Variants in SLCO6A1 observed in about 807,000 individuals in gnomAD.
SLCO6A1 encodes cancer/testis antigen 48.
A neutral mutation model predicts 72.7 loss-of-function variants in SLCO6A1; 65 were observed. The ratio of observed to expected loss-of-function variants is 0.89; its 90% CI spans 0.73 to 1.10. The LOEUF is 1.10. Ranked by LOEUF, SLCO6A1 falls within the 50% of genes least tolerant of loss-of-function variation. The pLI is 0.00. For synonymous variants in SLCO6A1, 314 were observed against 298.2 expected (o/e 1.05, Z -0.55); for missense variants, 874 against 872.6 (o/e 1.00, Z -0.02).
intron 4 of SLCO6A1, among the ~76,000 whole-genome samples, chr5:102,474,633 G>A (rs1007287792): frequency 6.6e-6 from 1 of 151,986 alleles, no homozygotes; most frequent in African/African-American, 2.4e-5. Context: ...GAAGTGAAAA[G>A]GCAACCTGCA....
At chr5:102,484,755 T>C (rs767355106) in intron 1 of SLCO6A1, among the ~76,000 whole-genome samples, 4 of 152,254 alleles carry the variant, frequency 2.6e-5, no homozygotes, top group Non-Finnish European at 4.4e-5. Flanking sequence ...TTTTATGTTA[T>C]ACATCAGAAA....
chr5:102,458,312 A>AT, intron 6 of SLCO6A1, 70 bp downstream of exon 6: 1 of 1,186,736 alleles, frequency 8.4e-7, no homozygotes, highest in Non-Finnish European at 1.2e-6. Context: ...GGGTATTTTC[A>AT]TAAGTTCATT....
chr5:102,449,597 A>G (rs1750303650), intron 6 of SLCO6A1, among the ~76,000 whole-genome samples: 1 of 152,116 alleles, frequency 6.6e-6, no homozygotes, highest in African/African-American at 2.4e-5. Flanking sequence ...CGTGTTACCC[A>G]GGATGGTCTT....
At chr5:102,470,933 G>A (rs1347723548) in intron 4 of SLCO6A1, among the ~76,000 whole-genome samples, 2 of 151,982 alleles carry the variant, frequency 1.3e-5, no homozygotes, top group African/African-American at 2.4e-5. Context: ...TGGTTTTCTC[G>A]ATTGTTTTTT....
chr5:102,427,854 A>ATG (rs1748986122), intron 7 of SLCO6A1, among the ~76,000 whole-genome samples: 1 of 120,946 alleles, frequency 8.3e-6, no homozygotes, highest in Non-Finnish European at 1.6e-5. Context: ...ACATATATAT[A>ATG]TATATATATA....
intron 4 of SLCO6A1, among the ~76,000 whole-genome samples, chr5:102,463,828 G>C (rs1487927494): frequency 6.6e-6 from 1 of 151,538 alleles, no homozygotes; most frequent in Non-Finnish European, 1.5e-5. Context: ...GGAGGTTGCA[G>C]TGAGTCGAGA....
intron 6 of SLCO6A1, among the ~76,000 whole-genome samples, chr5:102,448,190 C>A (rs192169823): frequency 6.6e-6 from 1 of 152,234 alleles, no homozygotes; most frequent in East Asian, 1.9e-4. Flanking sequence ...TTTGAGAGAT[C>A]TTCTTGATAT....
rs781308345 is a variant in SLCO6A1, at chr5:102,438,692, C to T, written c.1201G>A (p.Gly401Arg). The T allele has an allele frequency of 1.6e-5, 26 of 1,599,816 alleles. No homozygotes were observed. Among genetic ancestry groups the T allele is most frequent in the Non-Finnish European group, 2.2e-5 (26 of 1,173,882 alleles). The change falls in exon 7 of 14, where the codon GGA becomes AGA. Residue 401 changes from glycine to arginine, a missense_variant. Gly to Arg is a moderately radical substitution (Grantham distance 125). Coordinates refer to ENST00000506729, the MANE Select transcript of SLCO6A1 (RefSeq NM_173488.5). ...TATATAGGCAAAAATTCAGAAGCTC[C>T]AATAATAACTAAATATTCTGTAGCT... ...SKATEYLVII[G>R]ASEFLPIYLE...
At chr5:102,393,602 T>C (rs920261409) in intron 10 of SLCO6A1, among the ~76,000 whole-genome samples, 11 of 152,202 alleles carry the variant, frequency 7.2e-5, no homozygotes, top group African/African-American at 2.7e-4. Flanking sequence ...ATTTTAATAG[T>C]ACAATTCAAT....
At chr5:102,490,191 T>C (rs1752611446) in intron 1 of SLCO6A1, among the ~76,000 whole-genome samples, 1 of 152,016 alleles carries the variant, frequency 6.6e-6, no homozygotes, top group Non-Finnish European at 1.5e-5. Context: ...GTGACTAGAG[T>C]CACCCTATTA....
In SLCO6A1 at chr5:102,498,475, C is replaced by T; in HGVS notation, c.358+12G>A. On this transcript the variant is annotated intron_variant, in intron 1 of 13. Coordinates refer to ENST00000506729, the MANE Select transcript of SLCO6A1 (RefSeq NM_173488.5). ...TGCCCTCGCCACAACAAACCGCCTC[C>T]TTCAGGCTCACCTTGACATATGAGC... 6.2e-7 allele frequency: 1 copy of T among 1,606,396 alleles called. No individual in the cohort carries two copies. The highest frequency in any genetic ancestry group is 8.5e-7 in the Non-Finnish European group (1 of 1,175,830).
intron 1 of SLCO6A1, among the ~76,000 whole-genome samples, chr5:102,493,076 A>G (rs1230080667): frequency 6.6e-6 from 1 of 152,208 alleles, no homozygotes; most frequent in African/African-American, 2.4e-5. Context: ...TAAAAAAAAT[A>G]CTACACAAAG....
intron 12 of SLCO6A1, among the ~76,000 whole-genome samples, chr5:102,379,890 G>C (rs931950447): frequency 2.0e-5 from 3 of 151,298 alleles, no homozygotes; most frequent in Admixed American, 6.6e-5. Context: ...CATTTATTTA[G>C]ATTTTATTTA....
At chr5:102,471,306 G>A (rs575087307) in intron 4 of SLCO6A1, among the ~76,000 whole-genome samples, 26 of 151,944 alleles carry the variant, frequency 1.7e-4, no homozygotes, top group Non-Finnish European at 3.2e-4. Context: ...ACCCAAACAA[G>A]CTGAACATAA....
rs900312953 is a variant in SLCO6A1, at chr5:102,379,587, T to C, written c.2018-6093A>G. Among the ~76,000 whole-genome samples the C allele has an allele frequency of 3.3e-5, 5 of 152,162 alleles. No homozygotes were observed. In the South Asian group the frequency reaches 8.3e-4, roughly 25 times the overall value. On this transcript the variant is annotated intron_variant, in intron 12 of 13. Coordinates refer to ENST00000506729, the MANE Select transcript of SLCO6A1 (RefSeq NM_173488.5). ...CATATGAAGGTTTGTTTCTGATTTT[T>C]CTATTCTGTTCCATTAATCAATGTG...
chr5:102,437,815 T>A lies in SLCO6A1; in HGVS notation c.1276+802A>T, dbSNP rs559475334. Among the ~76,000 whole-genome samples, 7 of 152,264 alleles carry A rather than the reference T, an allele frequency of 4.6e-5. No individual in the cohort carries two copies. The East Asian group carries it at 1.3e-3, about 29-fold the overall frequency. On this transcript the variant is annotated intron_variant, in intron 7 of 13. Coordinates refer to ENST00000506729, the MANE Select transcript of SLCO6A1 (RefSeq NM_173488.5). ...TCCTATTAATATAGTCTCTTACTAC[T>A]ACTACTTTATTGGTTATCCTCAAAG...
chr5:102,490,332 A>G (rs1235403042), intron 1 of SLCO6A1, among the ~76,000 whole-genome samples: 13 of 152,262 alleles, frequency 8.5e-5, no homozygotes, highest in Admixed American at 7.8e-4. Flanking sequence ...CAATATAAAC[A>G]TAAATTGAAA....
chr5:102,396,075 G>A (rs1400955561), intron 10 of SLCO6A1, among the ~76,000 whole-genome samples: 1 of 152,054 alleles, frequency 6.6e-6, no homozygotes, highest in East Asian at 1.9e-4. Flanking sequence ...TTTGGCTTTT[G>A]TTGCCATTGC....
In SLCO6A1 at chr5:102,469,083, T is replaced by A. The variant is rs1311274922; in HGVS notation, c.899+6614A>T. Among the ~76,000 whole-genome samples the A allele has an allele frequency of 5.9e-5, 9 of 152,256 alleles. No individual in the cohort carries two copies. In the East Asian group the frequency reaches 1.7e-3, roughly 29 times the overall value. On this transcript the variant is annotated intron_variant, in intron 4 of 13. Coordinates refer to ENST00000506729, the MANE Select transcript of SLCO6A1 (RefSeq NM_173488.5). ...TGTAGCCTTGTAGTATAGTTTGAAGTCAGGTAGCGTGATGCCTCCAGCTTT... is the reference window on the plus strand; with the variant it reads ...TGTAGCCTTGTAGTATAGTTTGAAGACAGGTAGCGTGATGCCTCCAGCTTT...
Sources: gnomAD v4.1 joint callset for allele counts (sites outside exome capture counted in the v4.1 genomes callset) on GRCh38, gnomAD v4.1.1 for gene constraint, MANE v1.5 for transcripts, NCBI Gene and HGNC (gene_info 2026-07-23, HGNC 2026-07-21) for gene names.